CDH22: variants seen among roughly 807,000 people sequenced by gnomAD.
The protein encoded by CDH22 is cadherin-22.
CDH22 carries 30 observed loss-of-function variants against 58.4 expected under a neutral mutation model. That is an observed-to-expected ratio of 0.51 (90% CI 0.38 to 0.70). The LOEUF (loss-of-function observed/expected upper bound fraction) is 0.70. Ranked by LOEUF, CDH22 falls within the 30% of genes least tolerant of loss-of-function variation. CDH22 has a pLI of 0.00. For synonymous variants in CDH22, 513 were observed against 558.2 expected (o/e 0.92, Z 1.14); for missense variants, 1,014 against 1,233.9 (o/e 0.82, Z 2.67).
chr20:46,223,874 G>A (rs566655950), intron 4 of CDH22, among the ~76,000 whole-genome samples: 2 of 137,692 alleles, frequency 1.5e-5, no homozygotes, highest in South Asian at 4.5e-4. Context: ...TTCTTTTTGA[G>A]ATGGAGTCTT....
chr20:46,183,184 A>AT (rs2085801282), intron 10 of CDH22, among the ~76,000 whole-genome samples: 1 of 152,196 alleles, frequency 6.6e-6, no homozygotes, highest in Non-Finnish European at 1.5e-5. Context: ...TTGTTAAAAT[A>AT]TTGAAATACT....
intron 4 of CDH22, 77 bp downstream of exon 4, chr20:46,227,431 G>C (rs2086183862): frequency 1.5e-6 from 2 of 1,353,416 alleles, no homozygotes; most frequent in East Asian, 2.5e-5. Flanking sequence ...CAGAGCAGAC[G>C]TCTGGGGTGG....
intron 1 of CDH22, among the ~76,000 whole-genome samples, chr20:46,287,776 C>G (rs561421226): frequency 6.6e-6 from 1 of 152,220 alleles, no homozygotes; most frequent in South Asian, 2.1e-4. Flanking sequence ...CTCACCCAGG[C>G]TACTGTGGGT....
In CDH22 at chr20:46,227,839, G is replaced by C. The variant is rs994816041; in HGVS notation, c.551-212C>G. 7.2e-5 allele frequency among the ~76,000 whole-genome samples: 11 copies of C among 152,194 alleles called. 1 individual carries two copies. Among genetic ancestry groups the C allele is most frequent in the African/African-American group, 2.7e-4 (11 of 41,448 alleles). On this transcript the variant is annotated intron_variant, in intron 3 of 11. Transcript: ENST00000537909. ...TTCTGGTGGCGCAAGTGTGACCATG[G>C]AGTCAGATCTGGATTCAAGTCCCCT...
chr20:46,225,098 G>C (rs1401609478), intron 4 of CDH22, among the ~76,000 whole-genome samples: 1 of 152,252 alleles, frequency 6.6e-6, no homozygotes, highest in Non-Finnish European at 1.5e-5. Context: ...TAGGTGAGGA[G>C]GAGGGGAAAT....
In CDH22 at chr20:46,186,957, G is replaced by C. The variant is rs757502406; in HGVS notation, c.1424-10C>G. 6.4e-7 allele frequency: 1 copy of C among 1,566,504 alleles called. No individual in the cohort carries two copies. The highest frequency in any genetic ancestry group is 8.7e-7 in the Non-Finnish European group (1 of 1,155,266). ...AGCTGTGCATGATTGTCTGTAATGAGAGCACAGGAGCAAGGGGAGAGGCAT... is the reference window on the plus strand; with the variant it reads ...AGCTGTGCATGATTGTCTGTAATGACAGCACAGGAGCAAGGGGAGAGGCAT... On this transcript the variant is annotated splice_polypyrimidine_tract_variant and intron_variant, in intron 8 of 11. Coordinates refer to ENST00000537909, the MANE Select transcript of CDH22 (RefSeq NM_021248.3).
At chr20:46,273,230 C>T (rs1023467314) in intron 1 of CDH22, among the ~76,000 whole-genome samples, 1 of 152,196 alleles carries the variant, frequency 6.6e-6, no homozygotes, top group African/African-American at 2.4e-5. Flanking sequence ...AGCAAATGCC[C>T]TCTGGACAAA....
rs148486593 is a variant in CDH22 at position 46,237,227 on chromosome 20, C to T, written c.550+3736G>A. ...GACCAAGGTCCTGCAGGGAACCAGG[C>T]GTCCTGACTATCAACTCAGGGCCCA... On this transcript the variant is annotated intron_variant, in intron 3 of 11. Coordinates refer to ENST00000537909, the MANE Select transcript of CDH22 (RefSeq NM_021248.3). 5.3e-5 allele frequency among the ~76,000 whole-genome samples: 8 copies of T among 152,296 alleles called. No homozygotes were observed. The South Asian group carries it at 1.2e-3, about 24-fold the overall frequency.
chr20:46,265,078 A>T (rs537578738), intron 1 of CDH22, among the ~76,000 whole-genome samples: 1 of 152,172 alleles, frequency 6.6e-6, no homozygotes, highest in South Asian at 2.1e-4. Context: ...CGTGCTGTAC[A>T]TCATGTTGAC....
chr20:46,260,416 C>T (rs1758904669), intron 1 of CDH22, among the ~76,000 whole-genome samples: 1 of 152,188 alleles, frequency 6.6e-6, no homozygotes, highest in Admixed American at 6.5e-5. Flanking sequence ...TGAACTCCCT[C>T]AGGCCTGTCT....
chr20:46,176,826 G>A (rs1204614489), intron 11 of CDH22, among the ~76,000 whole-genome samples: 1 of 152,264 alleles, frequency 6.6e-6, no homozygotes, highest in Non-Finnish European at 1.5e-5. Context: ...GCCCGCGGGA[G>A]CAGATGGTGA....
At chr20:46,249,487 T>C (rs1350627497) in intron 2 of CDH22, among the ~76,000 whole-genome samples, 1 of 152,220 alleles carries the variant, frequency 6.6e-6, no homozygotes, top group Non-Finnish European at 1.5e-5. Context: ...TATGGAGCTT[T>C]GGGCCAGGTA....
At chr20:46,237,871 A>C (rs1222831697) in intron 3 of CDH22, among the ~76,000 whole-genome samples, 1 of 152,162 alleles carries the variant, frequency 6.6e-6, no homozygotes, top group Non-Finnish European at 1.5e-5. Context: ...CACGCCCAGC[A>C]ACTTGCTCTG....
chr20:46,186,854 G>A lies in CDH22; in HGVS notation c.1517C>T (p.Ala506Val). 1 of 1,610,422 alleles carries A rather than the reference G, an allele frequency of 6.2e-7. No individual in the cohort carries two copies. Among genetic ancestry groups the A allele is most frequent in the South Asian group, 1.1e-5 (1 of 90,350 alleles). ...GCCTGGCTTGGCATCCTCGCATACA[G>A]CTGCCTCGTAGGGTGTGGCCAGTTC... ...PPELATPYEA[A>V]VCEDAKPGQL... Residue 506 changes from alanine to valine, a missense_variant, in exon 9 of 12, where the codon GCT (alanine) becomes GTT (valine). Around this residue, in one of 2 missense-constraint regions of CDH22, gnomAD observed 806 missense variants for 1,038.7 expected, o/e 0.78. Coordinates refer to ENST00000537909, the MANE Select transcript of CDH22 (RefSeq NM_021248.3).
intron 1 of CDH22, among the ~76,000 whole-genome samples, chr20:46,261,486 G>T (rs183448988): frequency 1.1e-4 from 16 of 152,292 alleles, no homozygotes; most frequent in African/African-American, 3.9e-4. Context: ...CTGCTCCAGC[G>T]CCAGACTCAG....
At chr20:46,303,433 G>T (rs560980055) in intron 1 of CDH22, among the ~76,000 whole-genome samples, 20 of 152,228 alleles carry the variant, frequency 1.3e-4, no homozygotes, top group Middle Eastern at 3.4e-3. Flanking sequence ...TTCCTCCCTG[G>T]ACCACCAGAC....
intron 1 of CDH22, among the ~76,000 whole-genome samples, chr20:46,282,293 CG>C (rs1467230958): frequency 1.3e-5 from 2 of 151,992 alleles, no homozygotes; most frequent in Non-Finnish European, 2.9e-5. Flanking sequence ...TAGATTTGCC[CG>C]GGGGGTGGGA....
intron 1 of CDH22, among the ~76,000 whole-genome samples, chr20:46,303,558 A>AAT (rs563742411): frequency 0.013 from 1,982 of 152,010 alleles, 49 homozygotes; most frequent in African/African-American, 0.043. Flanking sequence ...TTTATATGTA[A>AAT]ATATATATAT....
At chr20:46,299,757 T>C (rs578221444) in intron 1 of CDH22, among the ~76,000 whole-genome samples, 1 of 152,300 alleles carries the variant, frequency 6.6e-6, no homozygotes, top group South Asian at 2.1e-4. Context: ...AATAATCCTA[T>C]GAGATAGGTA....
Sources: allele counts gnomAD v4.1 joint callset (sites outside exome capture counted in the v4.1 genomes callset), GRCh38; gene constraint gnomAD v4.1.1; regional missense constraint gnomAD v4.1.1; transcripts MANE v1.5; gene names NCBI Gene and HGNC (gene_info 2026-07-23, HGNC 2026-07-21).